MORC1: variants seen among roughly 807,000 people sequenced by gnomAD.
MORC1 encodes MORC family CW-type zinc finger 1, also known as MORC family CW-type zinc finger protein 1.
In MORC1, 59 loss-of-function variants were observed where a neutral mutation model predicts 134.9. The observed-to-expected ratio is 0.44, with a 90% CI of 0.35 to 0.54. The LOEUF is 0.54. Among genes scored for constraint, MORC1 ranks in the 20% least tolerant of loss-of-function variants. The pLI is 0.00. For synonymous variants in MORC1, 395 were observed against 391.7 expected (o/e 1.01, Z -0.10); for missense variants, 947 against 1,134.5 (o/e 0.83, Z 2.37).
intron 3 of MORC1, among the ~76,000 whole-genome samples, chr3:109,106,769 C>T (rs1009950352): frequency 1.3e-5 from 2 of 152,182 alleles, no homozygotes; most frequent in African/African-American, 4.8e-5. Context: ...GGGATACAGA[C>T]ACCATCTCCT....
intron 14 of MORC1, among the ~76,000 whole-genome samples, chr3:109,038,053 C>A (rs913648940): frequency 6.6e-6 from 1 of 152,172 alleles, no homozygotes; most frequent in African/African-American, 2.4e-5. Context: ...ATTTACACTC[C>A]CACCAACAGT....
chr3:109,044,525 T>C (rs949556658), intron 14 of MORC1, among the ~76,000 whole-genome samples: 1 of 149,876 alleles, frequency 6.7e-6, no homozygotes, highest in African/African-American at 2.5e-5. Context: ...GCCACTGCAC[T>C]CCAGCCTGGG....
chr3:109,080,436 G>A (rs569823022), intron 8 of MORC1, among the ~76,000 whole-genome samples: 1 of 152,268 alleles, frequency 6.6e-6, no homozygotes, highest in South Asian at 2.1e-4. Context: ...GGGATTTCAA[G>A]ATGAGATCTG....
Position 108,987,018 on chromosome 3 carries a change from C to A in MORC1, c.2188-69G>T, listed in dbSNP as rs564519140. On this transcript the variant is annotated intron_variant, in intron 21 of 27. Coordinates refer to ENST00000232603, the MANE Select transcript of MORC1 (RefSeq NM_014429.4). ...ACATATTATAAACTTGACAAAAGACCTTGAAAAGCAGTGTCCCCAGCAGAA... is the reference window on the plus strand; with the variant it reads ...ACATATTATAAACTTGACAAAAGACATTGAAAAGCAGTGTCCCCAGCAGAA... The A allele has an allele frequency of 8.2e-6, 10 of 1,218,128 alleles. No individual in the cohort carries two copies. In the East Asian group the frequency reaches 2.3e-4, roughly 28 times the overall value. The allele number at this position is 1,218,128 out of a possible 1,614,324, so 75.5% of individuals were successfully genotyped here. A position where few individuals can be genotyped will look rare whatever the true frequency, so the allele number is the denominator to read the frequency against.
chr3:109,057,540 G>A, intron 12 of MORC1, 54 bp from the exon 13 acceptor site: 2 of 1,437,818 alleles, frequency 1.4e-6, no homozygotes, highest in South Asian at 1.5e-5. Flanking sequence ...AACATACACA[G>A]TTTAGGAAAC....
chr3:108,976,902 T>G (rs1947579398), intron 24 of MORC1, among the ~76,000 whole-genome samples: 1 of 152,180 alleles, frequency 6.6e-6, no homozygotes, highest in Non-Finnish European at 1.5e-5. Context: ...GATTATCCCC[T>G]TTTTGATCAC....
chr3:108,987,537 C>T (rs1947927890), intron 21 of MORC1, among the ~76,000 whole-genome samples: 1 of 151,982 alleles, frequency 6.6e-6, no homozygotes, highest in South Asian at 2.1e-4. Flanking sequence ...GGCTGCAGAG[C>T]CTTAGTGTGT....
rs148675156 is a variant in MORC1 at position 109,015,708 on chromosome 3, C to T, written c.1705-8617G>A. On this transcript the variant is annotated intron_variant, in intron 17 of 27. Transcript: ENST00000232603. ...CAGTTCTTTCTCTGAATTTACTATA[C>T]CCCTCTTGACTTCCAGTCCATTCCC... Among the ~76,000 whole-genome samples the T allele has an allele frequency of 1.8e-3, 268 of 152,268 alleles. 5 individuals carry two copies. The highest frequency in any genetic ancestry group is 6.2e-3 in the African/African-American group (257 of 41,548).
chr3:108,961,532 C>T (rs1461229669), intron 27 of MORC1, among the ~76,000 whole-genome samples: 2 of 152,212 alleles, frequency 1.3e-5, no homozygotes, highest in African/African-American at 4.8e-5. Flanking sequence ...CCATCTCTAT[C>T]TGCTCTGGGT....
At chr3:109,085,931 G>T (rs1950607708) in intron 8 of MORC1, among the ~76,000 whole-genome samples, 1 of 152,096 alleles carries the variant, frequency 6.6e-6, no homozygotes, top group South Asian at 2.1e-4. Context: ...ATGAAATCCT[G>T]TCACTGTAGC....
chr3:109,071,274 G>C (rs956495650), intron 8 of MORC1, among the ~76,000 whole-genome samples: 5 of 152,130 alleles, frequency 3.3e-5, no homozygotes, highest in African/African-American at 1.2e-4. Context: ...AGCCAACTTT[G>C]AGAATTTGAG....
intron 8 of MORC1, among the ~76,000 whole-genome samples, chr3:109,070,534 G>A (rs1950295474): frequency 6.6e-6 from 1 of 152,082 alleles, no homozygotes; most frequent in Non-Finnish European, 1.5e-5. Context: ...TCCACAACAA[G>A]CCCAGCCATG....
intron 24 of MORC1, among the ~76,000 whole-genome samples, chr3:108,978,700 C>G (rs1255685319): frequency 6.6e-6 from 1 of 152,194 alleles, no homozygotes; most frequent in Non-Finnish European, 1.5e-5. Flanking sequence ...GAACTCTCAT[C>G]TTCAGGAAGA....
intron 14 of MORC1, among the ~76,000 whole-genome samples, chr3:109,042,545 G>A (rs866297465): frequency 2.0e-5 from 3 of 152,248 alleles, no homozygotes; most frequent in African/African-American, 4.8e-5. Context: ...ATTAAAAATA[G>A]AACTACTATA....
chr3:109,104,079 A>T (rs1008583734), intron 3 of MORC1, among the ~76,000 whole-genome samples, 162 bp from the exon 4 acceptor site: 45 of 152,350 alleles, frequency 3.0e-4, no homozygotes, highest in Middle Eastern at 6.8e-3. Context: ...CTACAGCTTC[A>T]CAAGAAACTG....
intron 17 of MORC1, chr3:109,018,903 AG>A (rs1391343200): frequency 1.3e-5 from 2 of 152,186 alleles, no homozygotes; most frequent in Non-Finnish European, 2.9e-5. Context: ...TTGTTAAAAC[AG>A]GAACTCCTCG....
chr3:109,021,297 T>G (rs553762114), intron 17 of MORC1, among the ~76,000 whole-genome samples: 70 of 152,162 alleles, frequency 4.6e-4, no homozygotes, highest in Non-Finnish European at 7.9e-4. Flanking sequence ...ATCAAATAGG[T>G]GTATTTGCAT....
chr3:109,079,265 A>G (rs1387290655), intron 8 of MORC1, among the ~76,000 whole-genome samples: 1 of 152,102 alleles, frequency 6.6e-6, no homozygotes, highest in African/African-American at 2.4e-5. Context: ...AGAATAATAC[A>G]TCATGATCTT....
At chr3:109,043,600 GAAAA>G (rs764529626) in intron 14 of MORC1, among the ~76,000 whole-genome samples, 1 of 151,422 alleles carries the variant, frequency 6.6e-6, no homozygotes, top group Non-Finnish European at 1.5e-5. Flanking sequence ...GAAAAAAAAA[GAAAA>G]AAAACACAAA....
Sources: allele counts gnomAD v4.1 joint callset (sites outside exome capture counted in the v4.1 genomes callset), GRCh38; gene constraint gnomAD v4.1.1; transcripts MANE v1.5; gene names NCBI Gene and HGNC (gene_info 2026-07-23, HGNC 2026-07-21).